Variants in GRIP1 observed in about 807,000 individuals in gnomAD.
GRIP1 encodes glutamate receptor interacting protein 1, also known as glutamate receptor-interacting protein 1.
GRIP1 carries 45 observed loss-of-function variants against 129.9 expected under a neutral mutation model. That is an observed-to-expected ratio of 0.35 (90% CI 0.27 to 0.44). The LOEUF (loss-of-function observed/expected upper bound fraction) is 0.44. Among genes scored for constraint, GRIP1 ranks in the 20% least tolerant of loss-of-function variants. The pLI is 1.00. For synonymous variants in GRIP1, 530 were observed against 520.8 expected, an observed-to-expected ratio of 1.02 and a Z score of -0.24; for missense variants, 1,196 against 1,396.8, an observed-to-expected ratio of 0.86 and a Z score of 2.29.
chr12:66,752,351 T>C (rs1241521121), intron 1 of GRIP1, among the ~76,000 whole-genome samples: 1 of 152,306 alleles, frequency 6.6e-6, no homozygotes, highest in Middle Eastern at 3.4e-3. Flanking sequence ...TTCACATGTA[T>C]ATTTAAAGTG....
rs191317974 is a variant in GRIP1, at chr12:66,942,538, G to A, written c.58+126512C>T. On this transcript the variant is annotated intron_variant, in intron 1 of 1. Transcript: ENST00000643019. ...GGTATATTTTAAATAGTCTGTGGGT[G>A]TGATATCTCAGAGCACCTGTTACTA... is the stretch of plus-strand genomic sequence containing the variant. Among the ~76,000 whole-genome samples, 25 of 152,294 alleles carry A rather than the reference G, an allele frequency of 1.6e-4. 1 individual carries two copies. The highest frequency in any genetic ancestry group is 1.0e-3 in the Admixed American group (16 of 15,292).
rs540185052 is a variant in GRIP1, at chr12:67,016,668, C to T, written c.58+52382G>A. Reference sequence around the variant, plus strand: ...AAAGTCTGAACTTCCACTAAAAAAGCGATGGATGAAGAAATTATCTGGACT... The same window carrying T: ...AAAGTCTGAACTTCCACTAAAAAAGTGATGGATGAAGAAATTATCTGGACT... On this transcript the variant is annotated intron_variant, in intron 1 of 1. Coordinates refer to the GRIP1 transcript ENST00000643019. Among the ~76,000 whole-genome samples, 11 of 152,122 alleles carry T rather than the reference C, an allele frequency of 7.2e-5. No individual in the cohort carries two copies. In the East Asian group the frequency reaches 2.1e-3, roughly 29 times the overall value.
chr12:66,864,083 G>A (rs937442888), intron 1 of GRIP1, among the ~76,000 whole-genome samples: 1 of 152,098 alleles, frequency 6.6e-6, no homozygotes, highest in African/African-American at 2.4e-5. Flanking sequence ...CATTGACAAA[G>A]AGTATCTTCA....
intron 2 of GRIP1, among the ~76,000 whole-genome samples, chr12:66,579,658 C>T (rs1192065719): frequency 6.6e-6 from 1 of 151,978 alleles, no homozygotes; most frequent in Non-Finnish European, 1.5e-5. Flanking sequence ...AGGGTATCAG[C>T]AATGGAAGAT....
chr12:66,843,048 C>T (rs1566047690), intron 1 of GRIP1, among the ~76,000 whole-genome samples: 1 of 151,972 alleles, frequency 6.6e-6, no homozygotes, highest in Non-Finnish European at 1.5e-5. Flanking sequence ...GTCAAGAAAA[C>T]ACCTTAAAAG....
At chr12:66,865,152 A>G (rs992034233) in intron 1 of GRIP1, among the ~76,000 whole-genome samples, 1 of 152,186 alleles carries the variant, frequency 6.6e-6, no homozygotes, top group Non-Finnish European at 1.5e-5. Context: ...GACTTTCAGT[A>G]TTTTAGCTCA....
intron 16 of GRIP1, among the ~76,000 whole-genome samples, chr12:66,403,247 G>A (rs1014896375): frequency 7.2e-5 from 11 of 152,234 alleles, no homozygotes; most frequent in East Asian, 1.9e-4. Flanking sequence ...TGGTGTACAC[G>A]GTACCCAATA....
At chr12:66,700,477 C>A (rs1432219679) in intron 1 of GRIP1, among the ~76,000 whole-genome samples, 1 of 151,304 alleles carries the variant, frequency 6.6e-6, no homozygotes, top group East Asian at 2.0e-4. Flanking sequence ...CACCACATTG[C>A]CCAGGCTGGA....
At chr12:66,440,659 C>T (rs1036325649) in intron 13 of GRIP1, among the ~76,000 whole-genome samples, 2 of 152,134 alleles carry the variant, frequency 1.3e-5, no homozygotes, top group African/African-American at 4.8e-5. Context: ...CTTTGTGGAT[C>T]TGATTCCATT....
intron 1 of GRIP1, among the ~76,000 whole-genome samples, chr12:67,014,603 T>C (rs758088657): frequency 2.2e-4 from 34 of 152,146 alleles, no homozygotes; most frequent in Admixed American, 7.2e-4. Context: ...TTATAACAAA[T>C]GTAACACAAA....
intron 2 of GRIP1, among the ~76,000 whole-genome samples, chr12:66,587,730 CAA>C (rs2063694596): frequency 6.6e-6 from 1 of 152,080 alleles, no homozygotes; most frequent in African/African-American, 2.4e-5. Flanking sequence ...TGGGCCAGAG[CAA>C]AAAGGAGAAT....
rs564802964 is a variant in GRIP1 at position 66,515,573 on chromosome 12, T to C, written c.724+46A>G. 1.6e-5 allele frequency: 25 copies of C among 1,554,536 alleles called. No homozygotes were observed. In the South Asian group the frequency reaches 2.5e-4, roughly 15 times the overall value. ...AACATGGTTTATCAGGGACAGACAG[T>C]GACGTTCTGGTGCTTAGAGATCACA... On this transcript the variant is annotated intron_variant, in intron 7 of 24. Transcript: ENST00000359742.
chr12:66,751,788 G>C (rs997338353), intron 1 of GRIP1, among the ~76,000 whole-genome samples: 1 of 152,108 alleles, frequency 6.6e-6, no homozygotes, highest in South Asian at 2.1e-4. Flanking sequence ...AATTTATCTC[G>C]CTTATAAACT....
At chr12:66,525,954 C>G (rs961332093) in intron 5 of GRIP1, among the ~76,000 whole-genome samples, 3 of 151,966 alleles carry the variant, frequency 2.0e-5, no homozygotes, top group South Asian at 4.2e-4. Context: ...GAATAAAATA[C>G]CTAGGAATCC....
At chr12:67,016,453 A>G (rs566800644) in intron 1 of GRIP1, among the ~76,000 whole-genome samples, 1 of 152,296 alleles carries the variant, frequency 6.6e-6, no homozygotes, top group South Asian at 2.1e-4. Context: ...TTTGAGTCTC[A>G]CACTAAACCC....
chr12:66,740,822 A>C (rs79870516), intron 1 of GRIP1, among the ~76,000 whole-genome samples: 2 of 152,128 alleles, frequency 1.3e-5, no homozygotes, highest in South Asian at 4.1e-4. Flanking sequence ...AAAAAAAAAA[A>C]CTAAGATTAA....
intron 1 of GRIP1, among the ~76,000 whole-genome samples, chr12:66,979,468 G>A (rs150840565): frequency 3.3e-5 from 5 of 151,872 alleles, no homozygotes; most frequent in Non-Finnish European, 5.9e-5. Flanking sequence ...CTGTCTTCAC[G>A]AACCCGTCAA....
At chr12:66,504,583 A>T (rs1159917282) in intron 7 of GRIP1, among the ~76,000 whole-genome samples, 1 of 152,140 alleles carries the variant, frequency 6.6e-6, no homozygotes, top group Non-Finnish European at 1.5e-5. Context: ...AAATCCTTCA[A>T]GCCTCAACAA....
intron 1 of GRIP1, among the ~76,000 whole-genome samples, chr12:66,729,124 G>C (rs1277338730): frequency 6.6e-6 from 1 of 151,216 alleles, no homozygotes; most frequent in Admixed American, 6.6e-5. Flanking sequence ...CTAGACTCAA[G>C]TGATCTTCCC....
Sources: allele counts gnomAD v4.1 joint callset (sites outside exome capture counted in the v4.1 genomes callset), GRCh38; gene constraint gnomAD v4.1.1; transcripts MANE v1.5; gene names NCBI Gene and HGNC (gene_info 2026-07-23, HGNC 2026-07-21).